Variants in NAALADL2 observed in about 807,000 individuals in gnomAD.
The protein encoded by NAALADL2 is inactive N-acetylated-alpha-linked acidic dipeptidase-like protein 2.
In NAALADL2, 76 loss-of-function variants were observed where a neutral mutation model predicts 87.2. The observed-to-expected ratio is 0.87, with a 90% CI of 0.72 to 1.05. NAALADL2 has a LOEUF of 1.05. Ranked by LOEUF, NAALADL2 falls within the 50% of genes least tolerant of loss-of-function variation. The probability of loss-of-function intolerance (pLI) is 0.00; values close to 1 mark genes in which losing one functional copy is unlikely to be tolerated. For synonymous variants in NAALADL2, 354 were observed against 331.0 expected (o/e 1.07, Z -0.75); for missense variants, 1,089 against 945.8 (o/e 1.15, Z -1.99).
At chr3:174,910,422 G>T (rs1168232905) in intron 1 of NAALADL2, among the ~76,000 whole-genome samples, 1 of 151,932 alleles carries the variant, frequency 6.6e-6, no homozygotes, top group Non-Finnish European at 1.5e-5. Flanking sequence ...TTAAATGTGG[G>T]TCTGATGAGT....
In NAALADL2 at chr3:174,935,265, G is replaced by A. The variant is rs145108496; in HGVS notation, c.43+75815G>A. Among the ~76,000 whole-genome samples, 552 of 152,162 alleles carry A rather than the reference G, an allele frequency of 3.6e-3. 3 individuals are homozygous for A. Among genetic ancestry groups the A allele is most frequent in the African/African-American group, 0.013 (532 of 41,520 alleles). On this transcript the variant is annotated intron_variant, in intron 1 of 13. Transcript: ENST00000454872. ...CAATATTAATGAGGAACTATCTTGC[G>A]TTTGCCTGGGTGTTCTTTGCAGATG...
At chr3:175,205,978 A>G (rs1740779805) in intron 2 of NAALADL2, among the ~76,000 whole-genome samples, 1 of 152,106 alleles carries the variant, frequency 6.6e-6, no homozygotes, top group South Asian at 2.1e-4. Context: ...TGATCAGGGA[A>G]CACTTCCAGA....
At position 175,448,293 on chromosome 3, in the gene NAALADL2, G is replaced by A. The variant is rs73033692; in HGVS notation, c.1234+921G>A. 5.6e-3 allele frequency among the ~76,000 whole-genome samples: 847 copies of A among 152,342 alleles called. 3 individuals carry two copies. Among genetic ancestry groups the A allele is most frequent in the African/African-American group, 0.019 (809 of 41,588 alleles). ...AAGCCAATGTCCTCAAAGCAGGAGTGCAGAAGCACTCGAGGAGCTTTCTGT... is the reference window on the plus strand; with the variant it reads ...AAGCCAATGTCCTCAAAGCAGGAGTACAGAAGCACTCGAGGAGCTTTCTGT... On this transcript the variant is annotated intron_variant, in intron 6 of 13. Coordinates refer to ENST00000454872, the MANE Select transcript of NAALADL2 (RefSeq NM_207015.3).
At chr3:175,637,093 A>G (rs1728662138) in intron 11 of NAALADL2, among the ~76,000 whole-genome samples, 1 of 152,222 alleles carries the variant, frequency 6.6e-6, no homozygotes, top group Admixed American at 6.5e-5. Context: ...CTTTTAACCA[A>G]CAACCCGTAA....
At chr3:175,465,474 T>A (rs979278893) in intron 7 of NAALADL2, among the ~76,000 whole-genome samples, 12 of 32,442 alleles carry the variant, frequency 3.7e-4, no homozygotes, top group African/African-American at 1.2e-3. Flanking sequence ...GAATTAAATC[T>A]TTTTTTTTTT....
At chr3:175,790,431 C>T (rs1221598252) in intron 13 of NAALADL2, among the ~76,000 whole-genome samples, 1 of 152,150 alleles carries the variant, frequency 6.6e-6, no homozygotes, top group Non-Finnish European at 1.5e-5. Flanking sequence ...GTGACACAAG[C>T]AGAGCCAGTA....
At chr3:174,581,121 T>G (rs1716120851) in intron 2 of NAALADL2, among the ~76,000 whole-genome samples, 1 of 152,174 alleles carries the variant, frequency 6.6e-6, no homozygotes, top group South Asian at 2.1e-4. Context: ...ATAAGTTATC[T>G]AATAATAGGT....
chr3:174,925,226 C>A (rs1735824589), intron 1 of NAALADL2, among the ~76,000 whole-genome samples: 2 of 152,088 alleles, frequency 1.3e-5, no homozygotes, highest in Non-Finnish European at 2.9e-5. Flanking sequence ...AATCTTTAAT[C>A]CATCTTGAAT....
At chr3:175,498,291 A>T (rs1267955039) in intron 9 of NAALADL2, among the ~76,000 whole-genome samples, 28 of 152,110 alleles carry the variant, frequency 1.8e-4, no homozygotes, top group Non-Finnish European at 1.5e-5. Flanking sequence ...AAAAGGAATA[A>T]TATCAGAGAA....
chr3:174,701,627 G>C (rs1030976113), intron 2 of NAALADL2, among the ~76,000 whole-genome samples: 2 of 151,864 alleles, frequency 1.3e-5, no homozygotes, highest in Non-Finnish European at 2.9e-5. Context: ...TCTAATCCCA[G>C]GTTACTACTG....
At chr3:175,725,949 T>G (rs1051913530) in intron 11 of NAALADL2, among the ~76,000 whole-genome samples, 4 of 152,154 alleles carry the variant, frequency 2.6e-5, no homozygotes, top group Non-Finnish European at 5.9e-5. Context: ...ATTCTTAATT[T>G]GTCAATCAGC....
intron 1 of NAALADL2, among the ~76,000 whole-genome samples, chr3:174,973,231 A>G (rs1300261091): frequency 1.3e-5 from 2 of 152,196 alleles, no homozygotes; most frequent in Non-Finnish European, 1.5e-5. Context: ...ACACAAAACC[A>G]AAACATTTTC....
chr3:174,482,708 C>G (rs1347790149), intron 1 of NAALADL2, among the ~76,000 whole-genome samples: 3 of 151,990 alleles, frequency 2.0e-5, no homozygotes, highest in Non-Finnish European at 4.4e-5. Context: ...TTGCCAAGAG[C>G]TTCATAGATA....
chr3:174,671,030 G>T (rs1726480602), intron 2 of NAALADL2, among the ~76,000 whole-genome samples: 1 of 152,060 alleles, frequency 6.6e-6, no homozygotes. Context: ...AAATGTGGCT[G>T]CTTCCCCTCT....
In NAALADL2 at chr3:174,911,262, G is replaced by A. The variant is rs74898558; in HGVS notation, c.43+51812G>A. Among the ~76,000 whole-genome samples, 11 of 152,128 alleles carry A rather than the reference G, an allele frequency of 7.2e-5. No individual in the cohort carries two copies. In the East Asian group the frequency reaches 9.7e-4, roughly 13 times the overall value. ...TAGGTTCTTGCTAATTGTATAGTCC[G>A]CTTCATTTTGACATAGTGACTGATT... On this transcript the variant is annotated intron_variant, in intron 1 of 13. Transcript: ENST00000454872.
intron 5 of NAALADL2, among the ~76,000 whole-genome samples, chr3:175,332,231 T>C (rs1761487376): frequency 6.6e-6 from 1 of 152,130 alleles, no homozygotes; most frequent in African/African-American, 2.4e-5. Flanking sequence ...ATTATAATAT[T>C]TGAAGGGAAC....
At chr3:175,571,000 A>C (rs957297956) in intron 9 of NAALADL2, among the ~76,000 whole-genome samples, 1 of 152,076 alleles carries the variant, frequency 6.6e-6, no homozygotes, top group African/African-American at 2.4e-5. Context: ...TTTCCTGTGC[A>C]TGTAGAGTAA....
intron 3 of NAALADL2, among the ~76,000 whole-genome samples, chr3:174,750,141 A>C (rs922068113): frequency 6.6e-6 from 1 of 152,314 alleles, no homozygotes; most frequent in African/African-American, 2.4e-5. Flanking sequence ...ATGGACATAC[A>C]TGCAAATACA....
At chr3:175,715,484 T>C (rs1029165617) in intron 11 of NAALADL2, among the ~76,000 whole-genome samples, 28 of 152,330 alleles carry the variant, frequency 1.8e-4, no homozygotes, top group Admixed American at 3.3e-4. Context: ...GTAAATGTTA[T>C]TATTAGATGT....
Sources: gnomAD v4.1 joint callset for allele counts (sites outside exome capture counted in the v4.1 genomes callset) on GRCh38, gnomAD v4.1.1 for gene constraint, MANE v1.5 for transcripts, NCBI Gene and HGNC (gene_info 2026-07-23, HGNC 2026-07-21) for gene names.